RELN: variants seen among roughly 807,000 people sequenced by gnomAD.
The protein encoded by RELN is reelin.
Under a neutral mutation model 427.6 loss-of-function variants are expected in RELN, and 108 were observed. That is an observed-to-expected ratio of 0.25 (90% CI 0.22 to 0.30). The LOEUF (loss-of-function observed/expected upper bound fraction) is 0.30, where lower values mean the gene tolerates loss of function less well. Ranked by LOEUF, RELN falls within the 10% of genes least tolerant of loss-of-function variation. The pLI is 1.00. For missense variants in RELN, 3,715 were observed against 4,302.8 expected, an observed-to-expected ratio of 0.86 and a Z score of 3.82; for synonymous variants, 1,524 against 1,513.4, an observed-to-expected ratio of 1.01 and a Z score of -0.16.
chr7:103,582,383 C>A (rs945716469), intron 28 of RELN, among the ~76,000 whole-genome samples: 2 of 152,204 alleles, frequency 1.3e-5, no homozygotes, highest in African/African-American at 4.8e-5. Context: ...GTGGTAAATT[C>A]ATCAACTCTG....
intron 6 of RELN, among the ~76,000 whole-genome samples, chr7:103,741,568 G>A (rs1790657294): frequency 6.6e-6 from 1 of 151,774 alleles, no homozygotes; most frequent in Non-Finnish European, 1.5e-5. Flanking sequence ...TGGGAGGGAA[G>A]AAGGAAGAAA....
chr7:103,574,438 A>G lies in RELN; in HGVS notation c.4304-139T>C. 5.4e-6 allele frequency: 4 copies of G among 746,780 alleles called. No individual in the cohort carries two copies. The Middle Eastern group carries it at 1.1e-3, about 200-fold the overall frequency. 46.3% of individuals were successfully genotyped at this position (746,780 alleles called of 1,614,324 possible). A position where few individuals can be genotyped will look rare whatever the true frequency, so the allele number is the denominator to read the frequency against. On this transcript the variant is annotated intron_variant, in intron 29 of 64. Coordinates refer to ENST00000428762, the MANE Select transcript of RELN (RefSeq NM_005045.4). ...GGCCACATGAAAATTTGTATCTCAC[A>G]ACTGTCGGTCTGAAAGACAGCCATC...
intron 46 of RELN, among the ~76,000 whole-genome samples, chr7:103,525,355 C>A (rs1262074797): frequency 6.6e-6 from 1 of 152,048 alleles, no homozygotes. Context: ...CTGTCTCTTC[C>A]TTGAATGGTA....
At chr7:103,661,726 C>T (rs537221782) in intron 11 of RELN, among the ~76,000 whole-genome samples, 199 bp from the exon 12 acceptor site, 7 of 152,182 alleles carry the variant, frequency 4.6e-5, no homozygotes, top group Non-Finnish European at 7.4e-5. Context: ...AAACACATTA[C>T]ATTCACAGTT....
At chr7:103,901,375 A>T (rs1795081853) in intron 2 of RELN, among the ~76,000 whole-genome samples, 1 of 152,044 alleles carries the variant, frequency 6.6e-6, no homozygotes, top group African/African-American at 2.4e-5. Context: ...AAGAATTACC[A>T]CAAGACCTAG....
chr7:103,919,678 C>A (rs145767141), intron 1 of RELN, among the ~76,000 whole-genome samples: 1 of 152,156 alleles, frequency 6.6e-6, no homozygotes, highest in Non-Finnish European at 1.5e-5. Context: ...TGTGCCCTGA[C>A]GACTTTCTTT....
chr7:103,858,882 G>A (rs987393457), intron 2 of RELN, among the ~76,000 whole-genome samples: 1 of 152,040 alleles, frequency 6.6e-6, no homozygotes, highest in Non-Finnish European at 1.5e-5. Context: ...TAGCCCTACA[G>A]GAACAACAAC....
chr7:103,757,849 A>G (rs1170174872), intron 4 of RELN, among the ~76,000 whole-genome samples: 1 of 152,172 alleles, frequency 6.6e-6, no homozygotes, highest in Non-Finnish European at 1.5e-5. Context: ...CCTTCATAAT[A>G]TGGTCCTAAT....
chr7:103,489,513 CTG>C, intron 60 of RELN, among the ~76,000 whole-genome samples: 1 of 152,214 alleles, frequency 6.6e-6, no homozygotes, highest in Non-Finnish European at 1.5e-5. Flanking sequence ...TATAGAATGT[CTG>C]GAGTAGATTT....
chr7:103,823,435 T>G (rs1310469772), intron 3 of RELN, among the ~76,000 whole-genome samples: 1 of 152,028 alleles, frequency 6.6e-6, no homozygotes, highest in Non-Finnish European at 1.5e-5. Context: ...TTTAACTAAC[T>G]GTTCTTTAAT....
intron 29 of RELN, 83 bp downstream of exon 29, chr7:103,575,465 T>G: frequency 7.1e-7 from 1 of 1,408,600 alleles, no homozygotes; most frequent in Non-Finnish European, 1.0e-6. Context: ...AGAATTTATT[T>G]CTTTGGGAGA....
intron 4 of RELN, among the ~76,000 whole-genome samples, chr7:103,764,535 A>AAT (rs1791381325): frequency 6.6e-6 from 1 of 151,986 alleles, no homozygotes; most frequent in African/African-American, 2.4e-5. Context: ...CAACAGGGAC[A>AAT]ATATAAAAGC....
intron 64 of RELN, among the ~76,000 whole-genome samples, chr7:103,477,322 A>T (rs575762751): frequency 6.6e-6 from 1 of 152,330 alleles, no homozygotes; most frequent in East Asian, 1.9e-4. Context: ...TTTTTAATGG[A>T]TTCTAAAGGA....
In RELN at chr7:103,523,720, C is replaced by T. The variant is rs41275233; in HGVS notation, c.7350-189G>A. Among the ~76,000 whole-genome samples the T allele has an allele frequency of 0.06, 9,129 of 152,110 alleles. 304 individuals are homozygous for T. The highest frequency in any genetic ancestry group is 0.1 in the South Asian group (503 of 4,810). ...TGAGATGGAGTCTTGCTCTGTCACC[C>T]GGGCTGGAACGCAGTGGCACCATCT... is the stretch of plus-strand genomic sequence containing the variant. On this transcript the variant is annotated intron_variant, in intron 46 of 64. Transcript: ENST00000428762.
intron 36 of RELN, among the ~76,000 whole-genome samples, chr7:103,560,878 G>A (rs1360119738): frequency 3.9e-5 from 6 of 152,130 alleles, no homozygotes; most frequent in African/African-American, 1.2e-4. Context: ...TTAATCATTA[G>A]GGCTGTACAG....
chr7:103,674,779 T>C (rs1012116934), intron 11 of RELN, among the ~76,000 whole-genome samples: 5 of 152,224 alleles, frequency 3.3e-5, no homozygotes, highest in African/African-American at 7.2e-5. Context: ...GAACAAAAGA[T>C]AAAAACCACA....
chr7:103,482,814 T>G (rs1449713586), intron 63 of RELN, 59 bp downstream of exon 63: 4 of 1,613,174 alleles, frequency 2.5e-6, no homozygotes, highest in Non-Finnish European at 3.4e-6. Flanking sequence ...TCATGCTATA[T>G]CAAAGGAATT....
At chr7:103,724,223 C>T (rs374033514) in intron 7 of RELN, among the ~76,000 whole-genome samples, 38 of 151,666 alleles carry the variant, frequency 2.5e-4, no homozygotes, top group East Asian at 1.9e-3. Flanking sequence ...CTCTCTGTTG[C>T]ACTTTGCTTC....
intron 1 of RELN, among the ~76,000 whole-genome samples, chr7:103,973,864 C>T (rs1428982481): frequency 3.3e-5 from 5 of 152,232 alleles, no homozygotes; most frequent in Admixed American, 3.3e-4. Context: ...AATACTCAGC[C>T]AGGTGTGGTG....
Sources: gnomAD v4.1 joint callset for allele counts (sites outside exome capture counted in the v4.1 genomes callset) on GRCh38, gnomAD v4.1.1 for gene constraint, MANE v1.5 for transcripts, NCBI Gene and HGNC (gene_info 2026-07-23, HGNC 2026-07-21) for gene names.